PLK4: variants seen among roughly 807,000 people sequenced by gnomAD.
The protein encoded by PLK4 is serine/threonine-protein kinase PLK4.
In PLK4, 51 loss-of-function variants were observed where a neutral mutation model predicts 103.0. That is an observed-to-expected ratio of 0.50 (90% CI 0.40 to 0.63). The LOEUF is 0.63. Among genes scored for constraint, PLK4 ranks in the 20% least tolerant of loss-of-function variants. PLK4 has a pLI of 0.00. For missense variants in PLK4, 1,054 were observed against 1,151.0 expected (o/e 0.92, Z 1.22); for synonymous variants, 389 against 376.8 (o/e 1.03, Z -0.38).
chr4:127,884,893 T>C (rs1212797159), intron 4 of PLK4, among the ~76,000 whole-genome samples: 2 of 151,984 alleles, frequency 1.3e-5, no homozygotes, highest in African/African-American at 4.8e-5. Flanking sequence ...TGAACTGAGA[T>C]TGTGCCACTG....
intron 4 of PLK4, among the ~76,000 whole-genome samples, chr4:127,884,035 T>C (rs1735027537): frequency 6.6e-6 from 1 of 152,250 alleles, no homozygotes; most frequent in African/African-American, 2.4e-5. Flanking sequence ...TACCTTGATT[T>C]TCCAAAGTAT....
intron 1 of PLK4, 30 bp downstream of exon 1, chr4:127,881,194 CG>C (rs768125678): frequency 2.5e-6 from 4 of 1,612,032 alleles, no homozygotes; most frequent in Non-Finnish European, 3.4e-6. Flanking sequence ...TGCAGCGGGG[CG>C]GGTGGGAGTA....
At chr4:127,889,325 T>A (rs1241761560) in intron 6 of PLK4, among the ~76,000 whole-genome samples, 5 of 152,294 alleles carry the variant, frequency 3.3e-5, no homozygotes, top group African/African-American at 7.2e-5. Context: ...ATTACTTTTT[T>A]AAAAAATGCT....
chr4:127,897,824 CTTTTTTTTTTT>C (rs200741150), intron 15 of PLK4, among the ~76,000 whole-genome samples: 28 of 28,800 alleles, frequency 9.7e-4, no homozygotes, highest in East Asian at 3.2e-3. Flanking sequence ...AGAATTAGGG[CTTTTTTTTTTT>C]TTTTTTTTTT....
intron 9 of PLK4, chr4:127,892,156 T>G: frequency 2.7e-6 from 1 of 367,816 alleles, no homozygotes; most frequent in East Asian, 5.0e-5. Flanking sequence ...TTTATAATTA[T>G]AGTTAACCAA....
chr4:127,891,635 C>G lies in PLK4; in HGVS notation c.1992C>G (p.Pro664=), dbSNP rs147573335. ...GTTTTCCTCTTGCTGATAGACCACCCTCACCTACTGACAACATCAGTAGGT... is the reference window on the plus strand; with the variant it reads ...GTTTTCCTCTTGCTGATAGACCACCGTCACCTACTGACAACATCAGTAGGT... The part of the protein sequence containing the change: ...GRGFPLADRP[P]SPTDNISRYS... The change falls in exon 9 of 16, where the codon CCC becomes CCG. Residue 664 remains proline (P), a synonymous_variant. Transcript: ENST00000270861. The G allele has an allele frequency of 6.6e-5, 102 of 1,553,024 alleles. No homozygotes were observed. Among genetic ancestry groups the G allele is most frequent in the Admixed American group, 3.1e-4 (17 of 54,982 alleles).
chr4:127,897,275 CCT>C (rs543650969), intron 15 of PLK4, among the ~76,000 whole-genome samples: 128 of 152,222 alleles, frequency 8.4e-4, no homozygotes, highest in African/African-American at 2.9e-3. Flanking sequence ...TAAGATATAA[CCT>C]GCTTATTTTT....
At chr4:127,888,368 G>C (rs1735226921) in intron 6 of PLK4, among the ~76,000 whole-genome samples, 1 of 151,954 alleles carries the variant, frequency 6.6e-6, no homozygotes, top group Non-Finnish European at 1.5e-5. Flanking sequence ...AGGAAACTGG[G>C]TACACAGAGC....
Position 127,886,307 on chromosome 4 carries a change from T to C in PLK4, c.937T>C (p.Leu313=), listed in dbSNP as rs375433623. 2.5e-6 allele frequency: 4 copies of C among 1,613,990 alleles called. No individual in the cohort carries two copies. The highest frequency in any genetic ancestry group is 2.5e-6 in the Non-Finnish European group (3 of 1,179,954). ...SGSLFDKRRL[L]IGQPLPNKMT... is the part of the protein sequence containing the mutation. ...TAGTTTATTTGACAAAAGAAGACTT[T>C]TGATTGGTCAGCCACTCCCAAATAA... The change falls in exon 5 of 16, where the codon TTG becomes CTG. Residue 313 remains leucine (L), a synonymous_variant. Coordinates refer to ENST00000270861, the MANE Select transcript of PLK4 (RefSeq NM_014264.5).
Position 127,886,487 on chromosome 4 carries a change from C to T in PLK4, c.1117C>T (p.Leu373Phe). 1 of 1,613,904 alleles carries T rather than the reference C, an allele frequency of 6.2e-7. No homozygotes were observed. Among genetic ancestry groups the T allele is most frequent in the Non-Finnish European group, 8.5e-7 (1 of 1,179,808 alleles). Residue 373 changes from leucine to phenylalanine, a missense_variant, in exon 5 of 16, where the codon CTT becomes TTT. This residue lies in a region of PLK4 where 680 missense variants were observed against 660.3 expected (regional missense o/e 1.03). Coordinates refer to ENST00000270861, the MANE Select transcript of PLK4 (RefSeq NM_014264.5). ...AGAAGAAAGGCCACATTCTCGATACCTTCGTAGAGCTTATTCCTCTGATAG... is the reference window on the plus strand; with the variant it reads ...AGAAGAAAGGCCACATTCTCGATACTTTCGTAGAGCTTATTCCTCTGATAG... ...DAEERPHSRY[L>F]RRAYSSDRSG...
At position 127,891,207 on chromosome 4, in the gene PLK4, G is replaced by C. The variant is rs530088186; in HGVS notation, c.1935+11G>C. 4.7e-6 allele frequency: 6 copies of C among 1,278,674 alleles called. No individual in the cohort carries two copies. Among genetic ancestry groups the C allele is most frequent in the Non-Finnish European group, 6.7e-6 (6 of 892,010 alleles). The allele number at this position is 1,278,674 out of a possible 1,614,324, so 79.2% of individuals were successfully genotyped here. A position where few individuals can be genotyped will look rare whatever the true frequency, so the allele number is the denominator to read the frequency against. On this transcript the variant is annotated intron_variant, in intron 8 of 15. Transcript: ENST00000270861. ...AGTGATGGAAATACGGTAATGTGTAGTTACTTTATTACCTTGCAACTTCAA... is the reference window on the plus strand; with the variant it reads ...AGTGATGGAAATACGGTAATGTGTACTTACTTTATTACCTTGCAACTTCAA...
At position 127,887,484 on chromosome 4, in the gene PLK4, C is replaced by A; in HGVS notation, c.1447C>A (p.Leu483Met). 6.3e-7 allele frequency: 1 copy of A among 1,592,486 alleles called. No individual in the cohort carries two copies. The highest frequency in any genetic ancestry group is 2.2e-5 in the East Asian group (1 of 44,680). The part of the protein sequence containing the change: ...TETVQQWFGN[L>M]QINAHLRKTT... Reference sequence around the variant, plus strand: ...AACCGTACAACAGTGGTTTGGGAATCTGCAAATAAATGGTGAGTTTTTAAT... The same window carrying A: ...AACCGTACAACAGTGGTTTGGGAATATGCAAATAAATGGTGAGTTTTTAAT... The change falls in exon 6 of 16, where the codon CTG (leucine) becomes ATG (methionine). Residue 483 changes from leucine to methionine, a missense_variant. Coordinates refer to ENST00000270861, the MANE Select transcript of PLK4 (RefSeq NM_014264.5).
chr4:127,892,391 G>A lies in PLK4; in HGVS notation c.2065G>A (p.Ala689Thr). 6.4e-7 allele frequency: 1 copy of A among 1,567,794 alleles called. No homozygotes were observed. The highest frequency in any genetic ancestry group is 1.4e-5 in the African/African-American group (1 of 71,390). The change falls in exon 10 of 16, where the codon GCT becomes ACT. Residue 689 changes from alanine (A) to threonine (T), a missense_variant. Coordinates refer to ENST00000270861, the MANE Select transcript of PLK4 (RefSeq NM_014264.5). ...PEKYWRKYQYASRFVQLVRSK... is the reference protein window; with the variant it reads ...PEKYWRKYQYTSRFVQLVRSK... ...AAAATACTGGCGAAAATATCAATAT[G>A]CTTCCAGGTTTGTACAGCTTGTAAG...
intron 5 of PLK4, 58 bp from the exon 6 acceptor site, chr4:127,887,338 A>G: frequency 1.1e-6 from 1 of 910,332 alleles, no homozygotes; most frequent in African/African-American, 1.7e-5. Context: ...TTTTTACCTT[A>G]AAAAGTTACC....
chr4:127,896,866 GTCT>G lies in PLK4; in HGVS notation c.2773_2775del (p.Ser925del), dbSNP rs1289879418. The G allele has an allele frequency of 6.2e-7, 1 of 1,611,776 alleles. No individual in the cohort carries two copies. The highest frequency in any genetic ancestry group is 1.3e-5 in the African/African-American group (1 of 74,754). On this transcript the variant is annotated inframe_deletion, in exon 15 of 16. Transcript: ENST00000270861. ...CCCAGTTGGTTGTGCAGGCAGGAGT[GTCT>G]TCTATCAGTTATACCTCACCAAATG...
At position 127,885,850 on chromosome 4, in the gene PLK4, A is replaced by C; in HGVS notation, c.480A>C (p.Gln160His). ...IKIADFGLAT[Q>H]LKMPHEKHYT... ...TTGCTGATTTTGGGCTGGCAACTCA[A>C]CTGAAAATGCCACATGAAAAGCACT... is the stretch of plus-strand genomic sequence containing the variant. The change falls in exon 5 of 16, where the codon CAA becomes CAC. Residue 160 changes from glutamine to histidine, a missense_variant. By Grantham distance (24) the Gln-to-His change is conservative (BLOSUM62 0). Coordinates refer to ENST00000270861, the MANE Select transcript of PLK4 (RefSeq NM_014264.5). 1 of 1,614,136 alleles carries C rather than the reference A, an allele frequency of 6.2e-7. No homozygotes were observed. Among genetic ancestry groups the C allele is most frequent in the Middle Eastern group, 1.6e-4 (1 of 6,062 alleles).
Position 127,896,747 on chromosome 4 carries a change from G to A in PLK4, c.2704-54G>A. On this transcript the variant is annotated intron_variant, in intron 14 of 15. Coordinates refer to ENST00000270861, the MANE Select transcript of PLK4 (RefSeq NM_014264.5). ...TATAGTAATTTTGTGTGCTACTACT[G>A]CTGTTTTTTTTTTTTTCTGTGCCTG... is the stretch of plus-strand genomic sequence containing the variant. The A allele has an allele frequency of 1.2e-5, 11 of 933,012 alleles. No homozygotes were observed. In the South Asian group the frequency reaches 1.6e-4, roughly 13 times the overall value. The allele number at this position is 933,012 out of a possible 1,614,324, so 57.8% of individuals were successfully genotyped here.
rs1735293681 is a variant in PLK4 at position 127,890,049 on chromosome 4, C to T, written c.1643C>T (p.Ala548Val). Residue 548 changes from alanine (A) to valine (V), a missense_variant, in exon 7 of 16, where the codon GCA becomes GTA. Physicochemically the swap from Ala to Val is moderately conservative, Grantham distance 64 (BLOSUM62 0). Around this residue, in one of 4 missense-constraint regions of PLK4, gnomAD observed 680 missense variants for 660.3 expected, o/e 1.03. Transcript: ENST00000270861. ...KQQNTMKYMT[A>V]LHSKPEIIQQ... ...CAAAATACCATGAAATATATGACTG[C>T]ACTTCACAGTAAACCTGAGATAATC... 6.2e-7 allele frequency: 1 copy of T among 1,613,386 alleles called. No homozygotes were observed. The highest frequency in any genetic ancestry group is 8.5e-7 in the Non-Finnish European group (1 of 1,179,458).
At chr4:127,885,602 A>G (rs1394592944) in intron 4 of PLK4, 106 bp from the exon 5 acceptor site, 1 of 836,326 alleles carries the variant, frequency 1.2e-6, no homozygotes, top group Non-Finnish European at 1.9e-6. Flanking sequence ...GTTCTACTAC[A>G]GTGCTCTAGA....
Sources: gnomAD v4.1 joint callset for allele counts (sites outside exome capture counted in the v4.1 genomes callset) on GRCh38, gnomAD v4.1.1 for gene constraint, gnomAD v4.1.1 regional missense constraint, MANE v1.5 for transcripts, NCBI Gene and HGNC (gene_info 2026-07-23, HGNC 2026-07-21) for gene names.